The following NAPG variants were observed in gnomAD, a reference collection of about 807,000 sequenced individuals.
The protein encoded by NAPG is gamma-soluble NSF attachment protein.
NAPG carries 25 observed loss-of-function variants against 48.4 expected under a neutral mutation model. The observed-to-expected ratio is 0.52, with a 90% confidence interval of 0.38 to 0.72. The LOEUF (loss-of-function observed/expected upper bound fraction) is 0.72. Ranked by LOEUF, NAPG falls within the 30% of genes least tolerant of loss-of-function variation. The pLI is 0.00. For synonymous variants in NAPG, 139 were observed against 127.2 expected (o/e 1.09, Z -0.62); for missense variants, 359 against 372.5 (o/e 0.96, Z 0.30).
At position 10,548,091 on chromosome 18, in the gene NAPG, GC is replaced by G. The variant is rs1331093127; in HGVS notation, c.586-206del. On this transcript the variant is annotated intron_variant, in intron 9 of 11. Coordinates refer to ENST00000322897, the MANE Select transcript of NAPG (RefSeq NM_003826.3). This position sits in a 1 kb window ranked among gnomAD's most constrained non-coding sequence, Gnocchi z 4.4. ...GTGAATCCCAGGCTTGCCCCTAGCAGCCAAATTCCAGGACATGAGAATTGGA... is the reference window on the plus strand; with the variant it reads ...GTGAATCCCAGGCTTGCCCCTAGCAGCAAATTCCAGGACATGAGAATTGGA... Among the ~76,000 whole-genome samples, 1 of 152,196 alleles carries G rather than the reference GC, an allele frequency of 6.6e-6. No homozygotes were observed. Among genetic ancestry groups the G allele is most frequent in the Non-Finnish European group, 1.5e-5 (1 of 68,042 alleles).
rs2032277667 is a variant in NAPG at position 10,546,854 on chromosome 18, G to A, written c.585+450G>A. The stretch of plus-strand genomic sequence containing the variant: ...CAGCAATGGGAGAAGAGGTCCCATT[G>A]TTTTCCTCTCCTTTGGCTTTGCTCC... On this transcript the variant is annotated intron_variant, in intron 9 of 11. Transcript: ENST00000322897. This position sits in a 1 kb window ranked among gnomAD's most constrained non-coding sequence, Gnocchi z 4.0. Among the ~76,000 whole-genome samples, 1 of 152,178 alleles carries A rather than the reference G, an allele frequency of 6.6e-6. No homozygotes were observed. The highest frequency in any genetic ancestry group is 2.4e-5 in the African/African-American group (1 of 41,448).
chr18:10,539,906 T>G lies in NAPG; in HGVS notation c.368+35T>G. On this transcript the variant is annotated intron_variant, in intron 6 of 11. Transcript: ENST00000322897. This position sits in a 1 kb window ranked among gnomAD's most constrained non-coding sequence, Gnocchi z 4.7. ...AGATGGACAAGTCTCTGCATAGAAGTCTTGTCTTTTTGTTTTAAAGAGGTC... is the reference window on the plus strand; with the variant it reads ...AGATGGACAAGTCTCTGCATAGAAGGCTTGTCTTTTTGTTTTAAAGAGGTC... 7 of 1,606,576 alleles carry G rather than the reference T, an allele frequency of 4.4e-6. No individual in the cohort carries two copies. The highest frequency in any genetic ancestry group is 6.0e-6 in the Non-Finnish European group (7 of 1,173,650).
At chr18:10,527,145 G>A (rs1193334812) in intron 1 of NAPG, among the ~76,000 whole-genome samples, 2 of 137,354 alleles carry the variant, frequency 1.5e-5, no homozygotes, top group South Asian at 2.2e-4. Context: ...CCGAGATCGC[G>A]CCACTGCACT....
intron 9 of NAPG, among the ~76,000 whole-genome samples, chr18:10,547,217 A>G (rs2032287574): frequency 6.6e-6 from 1 of 152,264 alleles, no homozygotes; most frequent in South Asian, 2.1e-4. Flanking sequence ...AAGGATTTGA[A>G]TTAAGTGTAG....
intron 5 of NAPG, among the ~76,000 whole-genome samples, chr18:10,535,886 G>A (rs1325621483): frequency 6.6e-6 from 1 of 152,170 alleles, no homozygotes; most frequent in South Asian, 2.1e-4. Flanking sequence ...ATTTGGTGCC[G>A]CAAGTTAGGT....
intron 8 of NAPG, among the ~76,000 whole-genome samples, chr18:10,541,222 A>G (rs922918656): frequency 3.9e-5 from 6 of 152,220 alleles, no homozygotes; most frequent in African/African-American, 1.2e-4. Context: ...CTATTAAACA[A>G]TCTCATTTAG....
rs538823891 is a variant in NAPG, at chr18:10,527,787, T to G, written c.56+1629T>G. On this transcript the variant is annotated intron_variant, in intron 1 of 11. Transcript: ENST00000322897. ...GTAGTCACAGTGCCAGGGGACGAGC[T>G]GGAGTGAAAAAGAGTTGGGGCCAGA... Among the ~76,000 whole-genome samples the G allele has an allele frequency of 6.6e-4, 101 of 152,254 alleles. No individual in the cohort carries two copies. In the Middle Eastern group the frequency reaches 0.01, roughly 15 times the overall value.
intron 1 of NAPG, among the ~76,000 whole-genome samples, chr18:10,529,191 T>C (rs1263285821): frequency 1.3e-5 from 2 of 152,204 alleles, no homozygotes; most frequent in African/African-American, 2.4e-5. Context: ...TATCTTGTTT[T>C]TAGTGGGATT....
At chr18:10,540,467 A>G in intron 8 of NAPG, 68 bp downstream of exon 8, 1 of 1,326,874 alleles carries the variant, frequency 7.5e-7, no homozygotes, top group Non-Finnish European at 1.1e-6. Context: ...ACTGGAAAGT[A>G]ATTTGGGGGA....
At chr18:10,531,067 G>A (rs1291500209) in intron 2 of NAPG, among the ~76,000 whole-genome samples, 1 of 152,124 alleles carries the variant, frequency 6.6e-6, no homozygotes, top group African/African-American at 2.4e-5. Context: ...GGGATGGGGC[G>A]GGGTTGGTGA....
chr18:10,548,886 A>G lies in NAPG; in HGVS notation c.666-81A>G, dbSNP rs80011818. ...CCAAAATGTCTCCAGACAGTGTCAC[A>G]TGCCAGGGGCAGAATCATCCCTGCC... On this transcript the variant is annotated intron_variant, in intron 10 of 11. Transcript: ENST00000322897. This position sits in a 1 kb window ranked among gnomAD's most constrained non-coding sequence, Gnocchi z 4.4. 0.013 allele frequency: 19,727 copies of G among 1,524,932 alleles called. 1,371 individuals are homozygous for G. The African/African-American group carries it at 0.18, about 14-fold the overall frequency. 94.5% of individuals were successfully genotyped at this position (1,524,932 alleles called of 1,614,324 possible). A position where few individuals can be genotyped will look rare whatever the true frequency, so the allele number is the denominator to read the frequency against.
chr18:10,526,238 G>GGCTTTGCCC, intron 1 of NAPG, 80 bp downstream of exon 1: 2 of 858,074 alleles, frequency 2.3e-6, no homozygotes, highest in East Asian at 3.3e-5. Context: ...CCCGGGGGGG[G>GGCTTTGCCC]CGGGAGGGAG....
intron 1 of NAPG, chr18:10,526,417 C>G: frequency 2.0e-6 from 1 of 501,952 alleles, no homozygotes; most frequent in South Asian, 2.6e-5. Context: ...GGCGGGGACT[C>G]GGCGCAGTGC....
In NAPG at chr18:10,535,296, C is replaced by T. The variant is rs369185737; in HGVS notation, c.258+800C>T. Among the ~76,000 whole-genome samples the T allele has an allele frequency of 4.0e-5, 6 of 151,762 alleles. No individual in the cohort carries two copies. In the East Asian group the frequency reaches 5.8e-4, roughly 15 times the overall value. ...GCTCATTGTAGACAATAAAAAATACCGAAAAGTTAAAGAATGTTAGTAATA... is the reference window on the plus strand; with the variant it reads ...GCTCATTGTAGACAATAAAAAATACTGAAAAGTTAAAGAATGTTAGTAATA... On this transcript the variant is annotated intron_variant, in intron 5 of 11. Coordinates refer to ENST00000322897, the MANE Select transcript of NAPG (RefSeq NM_003826.3).
rs2032394132 is a variant in NAPG at position 10,551,547 on chromosome 18, G to A, written c.*1327G>A. 1 of 152,174 alleles carries A rather than the reference G, an allele frequency of 6.6e-6. No individual in the cohort carries two copies. The highest frequency in any genetic ancestry group is 2.1e-4 in the South Asian group (1 of 4,830). The allele number at this position is 152,174 out of a possible 1,614,324, so 9.4% of individuals were successfully genotyped here. On this transcript the variant is annotated 3_prime_UTR_variant, in exon 12 of 12. Coordinates refer to ENST00000322897, the MANE Select transcript of NAPG (RefSeq NM_003826.3). ...GTGGCTTAGACCCATCTCGTAATCT[G>A]TTAATTGGAAAGAGGCTACAGACAC...
intron 5 of NAPG, among the ~76,000 whole-genome samples, chr18:10,537,894 G>A (rs2032068417): frequency 6.6e-6 from 1 of 152,086 alleles, no homozygotes; most frequent in Middle Eastern, 3.4e-3. Context: ...TTATGTTTTG[G>A]GGTTGGCGAA....
At position 10,540,330 on chromosome 18, in the gene NAPG, A is replaced by C. The variant is rs1281764791; in HGVS notation, c.437A>C (p.Asn146Thr). ...LYQQTANVFE[N>T]EERLRQAVEL... ...CTTGTTTTTCTTTGATTCCTTCAGA[A>C]TGAAGAACGCTTACGACAGGCAGTT... The change falls in exon 8 of 12, where the codon AAT becomes ACT. Residue 146 changes from asparagine to threonine, a missense_variant and splice_region_variant. Transcript: ENST00000322897. The C allele has an allele frequency of 6.2e-7, 1 of 1,613,262 alleles. No homozygotes were observed.
intron 2 of NAPG, among the ~76,000 whole-genome samples, chr18:10,532,095 G>C (rs1214432497): frequency 6.6e-6 from 1 of 152,146 alleles, no homozygotes; most frequent in Non-Finnish European, 1.5e-5. Context: ...AAGATCATAT[G>C]TTATAAGCAC....
chr18:10,540,191 A>G (rs2032122018), intron 7 of NAPG, 137 bp downstream of exon 7: 2 of 1,048,894 alleles, frequency 1.9e-6, no homozygotes, highest in Non-Finnish European at 1.4e-6. Context: ...TTTCTGTTAG[A>G]GAGTAGTGAA....
Sources: gnomAD v4.1 joint callset for allele counts (sites outside exome capture counted in the v4.1 genomes callset) on GRCh38, gnomAD v4.1.1 for gene constraint, Gnocchi (gnomAD v3.1) non-coding constraint, MANE v1.5 for transcripts, NCBI Gene and HGNC (gene_info 2026-07-23, HGNC 2026-07-21) for gene names.